The following RASEF variants were observed in gnomAD, a reference collection of about 807,000 sequenced individuals.
The protein encoded by RASEF is RAS and EF-hand domain containing.
In RASEF, 68 loss-of-function variants were observed where a neutral mutation model predicts 90.1. That is an observed-to-expected ratio of 0.75 (90% confidence interval 0.62 to 0.92). RASEF has a LOEUF of 0.92. Among genes scored for constraint, RASEF ranks in the 40% least tolerant of loss-of-function variants. The pLI, the probability that RASEF is intolerant of heterozygous loss-of-function variation, is 0.00. For missense variants in RASEF, 949 were observed against 937.2 expected, an observed-to-expected ratio of 1.01 and a Z score of -0.16; for synonymous variants, 331 against 345.2, an observed-to-expected ratio of 0.96 and a Z score of 0.46.
rs140716164 is a variant in RASEF, at chr9:82,998,737, T to TTG, written c.1724-293_1724-292dup. ...GATGACTGGATGAACTCAGTCATAT[T>TTG]TGTGTGTGTGTGTGTGTGGGTGTGT... On this transcript the variant is annotated intron_variant, in intron 12 of 16. Transcript: ENST00000376447. Among the ~76,000 whole-genome samples the TTG allele has an allele frequency of 1.2e-3, 186 of 150,462 alleles. 1 individual carries two copies. Among genetic ancestry groups the TTG allele is most frequent in the South Asian group, 4.4e-3 (21 of 4,766 alleles).
chr9:83,217,642 TC>T, the RASEF span, among the ~76,000 whole-genome samples: 8 of 152,196 alleles, frequency 5.3e-5, no homozygotes. Flanking sequence ...TCCTTCGCCT[TC>T]CGCCATGATT....
At chr9:83,128,137 T>A in the RASEF span, among the ~76,000 whole-genome samples, 4 of 151,894 alleles carry the variant, frequency 2.6e-5, no homozygotes, top group Non-Finnish European at 5.9e-5. Flanking sequence ...TCTTAGCAAT[T>A]CTTAGCAACT....
intron 1 of RASEF, chr9:83,055,819 C>G (rs1830092896): frequency 6.7e-6 from 4 of 598,442 alleles, no homozygotes; most frequent in South Asian, 1.9e-5. Context: ...ATGTAAGGAC[C>G]CCGAAGGGTC....
intron 2 of RASEF, among the ~76,000 whole-genome samples, chr9:83,025,343 G>A (rs1352294557): frequency 1.3e-5 from 2 of 152,096 alleles, no homozygotes; most frequent in Admixed American, 6.6e-5. Flanking sequence ...AACACCTGGA[G>A]GACGTGAAGA....
At chr9:83,195,495 G>A in the RASEF span, among the ~76,000 whole-genome samples, 37 of 152,206 alleles carry the variant, frequency 2.4e-4, no homozygotes, top group Middle Eastern at 3.4e-3. Flanking sequence ...ACTCATTTGC[G>A]TGTTCCTTAT....
At chr9:82,994,240 T>C (rs1290108433) in intron 14 of RASEF, among the ~76,000 whole-genome samples, 3 of 152,176 alleles carry the variant, frequency 2.0e-5, no homozygotes, top group Non-Finnish European at 4.4e-5. Flanking sequence ...ATTAATGCGC[T>C]CGTTAATTGT....
At chr9:83,141,861 G>A in the RASEF span, among the ~76,000 whole-genome samples, 2 of 152,138 alleles carry the variant, frequency 1.3e-5, no homozygotes, top group Non-Finnish European at 2.9e-5. Flanking sequence ...TGGGAGTAGG[G>A]AATAACTTTA....
At chr9:83,004,398 C>A in intron 9 of RASEF, 100 bp downstream of exon 9, 12 of 379,448 alleles carry the variant, frequency 3.2e-5, no homozygotes, top group South Asian at 9.5e-5. Context: ...AATTAGTGAC[C>A]AAAGTATATT....
chr9:83,099,783 T>C, the RASEF span, among the ~76,000 whole-genome samples: 2 of 152,184 alleles, frequency 1.3e-5, no homozygotes, highest in African/African-American at 2.4e-5. Flanking sequence ...AGCCTCTAAA[T>C]TTGTGAGCTT....
the RASEF span, among the ~76,000 whole-genome samples, chr9:83,093,887 T>G: frequency 6.6e-6 from 1 of 152,244 alleles, no homozygotes. Flanking sequence ...GATAGCATTT[T>G]AAATGTATAT....
At chr9:83,047,580 T>C (rs1829956382) in intron 1 of RASEF, among the ~76,000 whole-genome samples, 1 of 152,136 alleles carries the variant, frequency 6.6e-6, no homozygotes, top group African/African-American at 2.4e-5. Context: ...ATCCTGGACA[T>C]CCCAATGCAT....
At chr9:83,153,074 A>C in the RASEF span, among the ~76,000 whole-genome samples, 2 of 152,244 alleles carry the variant, frequency 1.3e-5, no homozygotes, top group Non-Finnish European at 2.9e-5. Context: ...ATTTCTATAT[A>C]ATATAAAATA....
At chr9:82,987,378 T>G (rs1220278629) in intron 16 of RASEF, among the ~76,000 whole-genome samples, 1 of 152,218 alleles carries the variant, frequency 6.6e-6, no homozygotes, top group Non-Finnish European at 1.5e-5. Context: ...GAAGCTTATC[T>G]TATTTCTTTA....
chr9:83,147,989 G>A, the RASEF span, among the ~76,000 whole-genome samples: 4 of 151,854 alleles, frequency 2.6e-5, no homozygotes, highest in Admixed American at 1.3e-4. Context: ...TGCTTGTGGA[G>A]CCTGGGGTTT....
intron 1 of RASEF, among the ~76,000 whole-genome samples, chr9:83,036,240 A>C (rs1829739712): frequency 6.6e-6 from 1 of 152,244 alleles, no homozygotes; most frequent in Admixed American, 6.5e-5. Flanking sequence ...AGCTGCAGAC[A>C]GAAAACTCCT....
At chr9:83,090,738 TA>T in the RASEF span, among the ~76,000 whole-genome samples, 1 of 152,060 alleles carries the variant, frequency 6.6e-6, no homozygotes, top group African/African-American at 2.4e-5. Context: ...AATTTGGGGT[TA>T]AAAATTGGAC....
chr9:83,022,474 A>C (rs1450603251), intron 2 of RASEF, 48 bp from the exon 3 acceptor site: 1 of 1,353,458 alleles, frequency 7.4e-7, no homozygotes, highest in African/African-American at 1.4e-5. Context: ...CTTGAACTTG[A>C]AACATGAAGA....
the RASEF span, among the ~76,000 whole-genome samples, chr9:83,157,217 A>C: frequency 1.3e-5 from 2 of 152,262 alleles, no homozygotes; most frequent in African/African-American, 4.8e-5. Flanking sequence ...TGTGCGTGAA[A>C]GTATGCATAA....
chr9:83,134,494 A>T, the RASEF span, among the ~76,000 whole-genome samples: 1 of 152,016 alleles, frequency 6.6e-6, no homozygotes, highest in Non-Finnish European at 1.5e-5. Context: ...CAGTTTAAAT[A>T]CAAAGTTGGT....
Sources: allele counts gnomAD v4.1 joint callset (sites outside exome capture counted in the v4.1 genomes callset), GRCh38; gene constraint gnomAD v4.1.1; transcripts MANE v1.5; gene names NCBI Gene and HGNC (gene_info 2026-07-23, HGNC 2026-07-21).